BRWD3: variants seen among roughly 807,000 people sequenced by gnomAD.
The protein encoded by BRWD3 is bromodomain and WD repeat-containing protein 3.
In BRWD3, 10 loss-of-function variants were observed where a neutral mutation model predicts 149.7. That is an observed-to-expected ratio of 0.07 (90% confidence interval 0.04 to 0.11). The LOEUF is 0.11. Ranked by LOEUF, BRWD3 falls within the 10% of genes least tolerant of loss-of-function variation. The pLI, the probability that BRWD3 is intolerant of heterozygous loss-of-function variation, is 1.00. For missense variants in BRWD3, 940 were observed against 1,373.2 expected, an observed-to-expected ratio of 0.68 and a Z score of 4.99; for synonymous variants, 504 against 456.7, an observed-to-expected ratio of 1.10 and a Z score of -1.32.
At chrX:80,755,019 A>T (rs1030241938) in intron 6 of BRWD3, among the ~76,000 whole-genome samples, 5 of 111,546 alleles carry the variant, frequency 4.5e-5, no homozygotes, top group Non-Finnish European at 9.4e-5. Context: ...AATTAAAAAA[A>T]AAAGGAATAC....
chrX:80,789,008 C>T (rs1049416964), intron 6 of BRWD3, among the ~76,000 whole-genome samples: 1 of 111,914 alleles, frequency 8.9e-6, no homozygotes, highest in African/African-American at 3.2e-5. Context: ...AAAATGTATA[C>T]AATTTGTCAA....
rs1482945805 is a variant in BRWD3 at position 80,677,351 on chromosome X, T to C, written c.4667A>G (p.Asp1556Gly). ...VLPVKQDHSL[D>G]GPLTNGDGRE... ...GCCATCACCATTTGTAAGGGGTCCA[T>C]CAAGGGAGTGATCTAAATTAAAATG... is the stretch of plus-strand genomic sequence containing the variant. The change falls in exon 41 of 41, where the codon GAT becomes GGT. Residue 1556 changes from aspartate (D) to glycine (G), a missense_variant. Around this residue, in one of 6 missense-constraint regions of BRWD3, gnomAD observed 349 missense variants for 419.6 expected, o/e 0.83. Transcript: ENST00000373275. The C allele has an allele frequency of 8.3e-7, 1 of 1,198,453 alleles. No homozygotes were observed. Among genetic ancestry groups the C allele is most frequent in the Admixed American group, 2.3e-5 (1 of 43,979 alleles).
chrX:80,691,019 A>G, intron 31 of BRWD3, 34 bp downstream of exon 31: 1 of 1,196,302 alleles, frequency 8.4e-7, no homozygotes, highest in Non-Finnish European at 1.1e-6. Context: ...ATAAAGCTAT[A>G]AATTTTATAA....
At chrX:80,801,528 TA>T (rs1245818686) in intron 4 of BRWD3, among the ~76,000 whole-genome samples, 1 of 109,305 alleles carries the variant, frequency 9.1e-6, no homozygotes, top group African/African-American at 3.3e-5. Flanking sequence ...GAAAACATTT[TA>T]AACAGGGTAA....
chrX:80,778,299 T>C (rs1266951138), intron 6 of BRWD3, among the ~76,000 whole-genome samples: 1 of 111,909 alleles, frequency 8.9e-6, no homozygotes, highest in Non-Finnish European at 1.9e-5. Flanking sequence ...CTTACAAGAT[T>C]AAGAAAATCC....
intron 4 of BRWD3, among the ~76,000 whole-genome samples, chrX:80,806,939 A>G (rs1285858088): frequency 8.9e-6 from 1 of 111,935 alleles, no homozygotes; most frequent in African/African-American, 3.2e-5. Flanking sequence ...CCTTTTTATC[A>G]CTGTCAAGTT....
At chrX:80,782,956 G>GA (rs762215495) in intron 6 of BRWD3, among the ~76,000 whole-genome samples, 2,510 of 104,733 alleles carry the variant, frequency 0.024, 61 homozygotes, top group African/African-American at 0.083. Context: ...CAACTCAATA[G>GA]AAAAAAAAAA....
intron 6 of BRWD3, among the ~76,000 whole-genome samples, chrX:80,757,543 G>A (rs995126444): frequency 8.9e-6 from 1 of 111,952 alleles, no homozygotes. Flanking sequence ...TAGCAATGTT[G>A]AATAATTCAC....
At chrX:80,743,444 T>C in intron 8 of BRWD3, among the ~76,000 whole-genome samples, 1 of 111,872 alleles carries the variant, frequency 8.9e-6, no homozygotes, top group Non-Finnish European at 1.9e-5. Context: ...TCTTTTTCTA[T>C]TGATTGGAAT....
chrX:80,698,561 T>C (rs2072735276), intron 25 of BRWD3, among the ~76,000 whole-genome samples: 1 of 109,779 alleles, frequency 9.1e-6, no homozygotes, highest in Non-Finnish European at 1.9e-5. Flanking sequence ...AGGCAAAAAT[T>C]AGCCAGGCGT....
At position 80,669,595 on chromosome X, in the gene BRWD3, T is replaced by C. The variant is rs2072307750; in HGVS notation, c.*7014A>G. Among the ~76,000 whole-genome samples, 1 of 111,964 alleles carries C rather than the reference T, an allele frequency of 8.9e-6. No homozygotes were observed. ...TACACAATTTGTTATGCAAATTTCA[T>C]TTAAACATATTGTAAGCTTTTTTTT... is the stretch of plus-strand genomic sequence containing the variant. On this transcript the variant is annotated 3_prime_UTR_variant, in exon 41 of 41. Transcript: ENST00000373275.
intron 4 of BRWD3, among the ~76,000 whole-genome samples, chrX:80,803,660 C>T (rs1415939548): frequency 8.9e-6 from 1 of 112,166 alleles, no homozygotes; most frequent in Non-Finnish European, 1.9e-5. Context: ...CAATACACTG[C>T]ACTGGGGTTG....
At chrX:80,779,230 G>A (rs1231481055) in intron 6 of BRWD3, among the ~76,000 whole-genome samples, 3 of 110,858 alleles carry the variant, frequency 2.7e-5, no homozygotes, top group East Asian at 2.8e-4. Flanking sequence ...CAGGAGAATC[G>A]CTTGAACCCA....
chrX:80,758,555 A>G (rs1472677934), intron 6 of BRWD3, among the ~76,000 whole-genome samples: 1 of 111,527 alleles, frequency 9.0e-6, no homozygotes, highest in Non-Finnish European at 1.9e-5. Flanking sequence ...TCATATGTAC[A>G]GCTGCTCTAA....
Position 80,809,394 on chromosome X carries a change from G to T in BRWD3, c.31+47C>A, listed in dbSNP as rs1414530080. The T allele has an allele frequency of 3.6e-6, 4 of 1,113,465 alleles. No homozygotes were observed. The African/African-American group carries it at 5.5e-5, about 15-fold the overall frequency. The allele number at this position is 1,113,465 out of a possible 1,213,427, so 91.8% of individuals were successfully genotyped here. On this transcript the variant is annotated intron_variant, in intron 1 of 40. Coordinates refer to ENST00000373275, the MANE Select transcript of BRWD3 (RefSeq NM_153252.5). The stretch of plus-strand genomic sequence containing the variant: ...AAGAAACTGACAGCCTTCGCGCTAA[G>T]CCCCCATTCCCTTAGCACCCCCCCA...
intron 14 of BRWD3, among the ~76,000 whole-genome samples, chrX:80,728,310 C>G (rs2073278495): frequency 9.0e-6 from 1 of 111,623 alleles, no homozygotes; most frequent in Non-Finnish European, 1.9e-5. Context: ...CAGCCTCTTA[C>G]AATGACAAAT....
rs2072922829 is a variant in BRWD3 at position 80,709,339 on chromosome X, C to A, written c.2475+89G>T. ...ATAAGAATATAATTAAAATAATTTTCTATTAAAGAAGTGACCCTTAAACCC... is the reference window on the plus strand; with the variant it reads ...ATAAGAATATAATTAAAATAATTTTATATTAAAGAAGTGACCCTTAAACCC... On this transcript the variant is annotated intron_variant, in intron 21 of 40. Transcript: ENST00000373275. The A allele has an allele frequency of 7.3e-6, 5 of 687,809 alleles. No homozygotes were observed. In the Admixed American group the frequency reaches 1.6e-4, roughly 21 times the overall value. The allele number at this position is 687,809 out of a possible 1,213,427, so 56.7% of individuals were successfully genotyped here.
intron 6 of BRWD3, among the ~76,000 whole-genome samples, chrX:80,753,100 T>C (rs763030683): frequency 8.9e-6 from 1 of 111,965 alleles, no homozygotes; most frequent in South Asian, 3.7e-4. Flanking sequence ...ATTTTGGTTA[T>C]TAGTCCCCTA....
At position 80,719,574 on chromosome X, in the gene BRWD3, C is replaced by T. The variant is rs1348021894; in HGVS notation, c.1959G>A (p.Glu653=). The change falls in exon 18 of 41, where the codon GAG becomes GAA. Residue 653 remains glutamate (E), a synonymous_variant. Coordinates refer to ENST00000373275, the MANE Select transcript of BRWD3 (RefSeq NM_153252.5). Reference sequence around the variant, plus strand: ...GTCTCAGGTCTTGTTCTCTCTGCAGCTCCCTGATTATTCCATCAAGAATGC... The same window carrying T: ...GTCTCAGGTCTTGTTCTCTCTGCAGTTCCCTGATTATTCCATCAAGAATGC... ...DESILDGIIR[E]LQREQDLRLI... The T allele has an allele frequency of 1.7e-6, 2 of 1,207,367 alleles. No homozygotes were observed. The highest frequency in any genetic ancestry group is 2.3e-4 in the Middle Eastern group (1 of 4,373).
Sources: gnomAD v4.1 joint callset for allele counts (sites outside exome capture counted in the v4.1 genomes callset) on GRCh38, gnomAD v4.1.1 for gene constraint, gnomAD v4.1.1 regional missense constraint, MANE v1.5 for transcripts, NCBI Gene and HGNC (gene_info 2026-07-23, HGNC 2026-07-21) for gene names.